Variants in FGGY observed in about 807,000 individuals in gnomAD.
FGGY encodes FGGY carbohydrate kinase domain-containing protein.
A neutral mutation model predicts 71.3 loss-of-function variants in FGGY; 72 were observed. The ratio of observed to expected loss-of-function variants is 1.01; its 90% CI spans 0.84 to 1.23. FGGY has a LOEUF of 1.23. Among genes scored for constraint, FGGY ranks in the 50% most tolerant of loss-of-function variants. The pLI is 0.00. For missense variants in FGGY, 668 were observed against 682.3 expected, an observed-to-expected ratio of 0.98 and a Z score of 0.23; for synonymous variants, 251 against 250.3, an observed-to-expected ratio of 1.00 and a Z score of -0.02.
chr1:59,509,699 A>G (rs751160525), intron 6 of FGGY, among the ~76,000 whole-genome samples: 2 of 152,252 alleles, frequency 1.3e-5, no homozygotes, highest in South Asian at 2.1e-4. Context: ...ATAGCCTATA[A>G]TTAGACCCAG....
chr1:59,636,519 A>G (rs1247972077), intron 10 of FGGY, among the ~76,000 whole-genome samples: 2 of 152,112 alleles, frequency 1.3e-5, no homozygotes, highest in African/African-American at 4.8e-5. Context: ...GCTACTCGGG[A>G]GGCTGAGGCA....
At chr1:59,335,000 A>T (rs1347710265) in intron 2 of FGGY, among the ~76,000 whole-genome samples, 1 of 152,146 alleles carries the variant, frequency 6.6e-6, no homozygotes, top group Non-Finnish European at 1.5e-5. Flanking sequence ...TCTTTTTTTT[A>T]AAACCTTACT....
intron 5 of FGGY, among the ~76,000 whole-genome samples, chr1:59,433,844 AT>A (rs2067880050): frequency 1.3e-5 from 2 of 152,110 alleles, no homozygotes; most frequent in Non-Finnish European, 2.9e-5. Flanking sequence ...TCCTTTTTAA[AT>A]TCTAGATCTG....
intron 8 of FGGY, among the ~76,000 whole-genome samples, chr1:59,556,733 A>G (rs775668559): frequency 2.6e-5 from 4 of 152,220 alleles, no homozygotes; most frequent in Non-Finnish European, 5.9e-5. Context: ...GTTGTTGAGT[A>G]ACATGCATTA....
chr1:59,611,696 G>T (rs1264296217), intron 9 of FGGY, among the ~76,000 whole-genome samples: 4 of 152,024 alleles, frequency 2.6e-5, no homozygotes, highest in Admixed American at 2.0e-4. Context: ...CGATCAAACT[G>T]CTCCGAGCTA....
At chr1:59,554,366 G>A (rs1430341267) in intron 8 of FGGY, 139 bp downstream of exon 8, 2 of 588,298 alleles carry the variant, frequency 3.4e-6, no homozygotes, top group Non-Finnish European at 2.9e-6. Context: ...CTAGCCAGAA[G>A]CCCAGCTCCC....
chr1:59,384,033 G>T (rs542908144), intron 5 of FGGY, among the ~76,000 whole-genome samples: 4 of 152,260 alleles, frequency 2.6e-5, no homozygotes, highest in African/African-American at 7.2e-5. Flanking sequence ...AAAGTGGAGG[G>T]CGTCTTGTTA....
At chr1:59,590,931 C>G (rs541762256) in intron 8 of FGGY, among the ~76,000 whole-genome samples, 2 of 152,284 alleles carry the variant, frequency 1.3e-5, no homozygotes, top group African/African-American at 4.8e-5. Context: ...GTTGGAAATT[C>G]TGGCCAGGGC....
At chr1:59,387,924 G>A (rs2060261256) in intron 5 of FGGY, among the ~76,000 whole-genome samples, 1 of 152,106 alleles carries the variant, frequency 6.6e-6, no homozygotes, top group Admixed American at 6.6e-5. Flanking sequence ...CTGCTGTTAA[G>A]GATTCAGAGG....
At position 59,494,958 on chromosome 1, in the gene FGGY, C is replaced by T. The variant is rs114372352; in HGVS notation, c.671-17353C>T. 3.2e-3 allele frequency among the ~76,000 whole-genome samples: 494 copies of T among 152,278 alleles called. 4 individuals carry two copies. The highest frequency in any genetic ancestry group is 0.011 in the African/African-American group (474 of 41,562). ...TTTCCACAATGGCTGAATGAATTTACATTCACACCACTAGTGTATAGGCAT... is the reference window on the plus strand; with the variant it reads ...TTTCCACAATGGCTGAATGAATTTATATTCACACCACTAGTGTATAGGCAT... On this transcript the variant is annotated intron_variant, in intron 6 of 15. Coordinates refer to ENST00000303721, the MANE Select transcript of FGGY (RefSeq NM_018291.5).
intron 5 of FGGY, among the ~76,000 whole-genome samples, chr1:59,444,411 T>G (rs758097013): frequency 4.6e-5 from 7 of 152,160 alleles, no homozygotes; most frequent in Non-Finnish European, 8.8e-5. Flanking sequence ...GTGTTGGGAA[T>G]GTTTAATATC....
intron 12 of FGGY, 121 bp from the exon 13 acceptor site, chr1:59,667,162 T>C: frequency 1.6e-6 from 2 of 1,219,282 alleles, no homozygotes; most frequent in East Asian, 2.3e-5. Flanking sequence ...AGTCTCAGCT[T>C]TCTGAGATAG....
intron 5 of FGGY, among the ~76,000 whole-genome samples, chr1:59,417,867 G>C (rs1304388564): frequency 6.6e-6 from 1 of 152,160 alleles, no homozygotes; most frequent in Admixed American, 6.5e-5. Flanking sequence ...AGAAAACTTA[G>C]TTCCTCAGTC....
At chr1:59,427,135 G>A (rs1001179405) in intron 5 of FGGY, among the ~76,000 whole-genome samples, 2 of 152,282 alleles carry the variant, frequency 1.3e-5, no homozygotes, top group African/African-American at 4.8e-5. Context: ...TGGAAAGAGG[G>A]CACATTTAAT....
At chr1:59,673,929 G>C in intron 13 of FGGY, 110 bp from the exon 14 acceptor site, 2 of 787,644 alleles carry the variant, frequency 2.5e-6, no homozygotes, top group Non-Finnish European at 2.2e-6. Flanking sequence ...TCGGGCGGGG[G>C]GCCTGCTGCT....
chr1:59,536,588 C>T (rs980931974), intron 7 of FGGY, among the ~76,000 whole-genome samples: 1 of 152,170 alleles, frequency 6.6e-6, no homozygotes, highest in East Asian at 1.9e-4. Context: ...CGGTAAAATA[C>T]TGGCAAACCG....
chr1:59,393,975 T>C (rs1385101865), intron 5 of FGGY, among the ~76,000 whole-genome samples: 1 of 152,236 alleles, frequency 6.6e-6, no homozygotes, highest in Non-Finnish European at 1.5e-5. Flanking sequence ...GAATGGCCAC[T>C]GTGTCTATCC....
intron 1 of FGGY, among the ~76,000 whole-genome samples, chr1:59,303,258 A>G (rs774983888): frequency 1.5e-4 from 23 of 152,144 alleles, no homozygotes; most frequent in Non-Finnish European, 2.6e-4. Context: ...TCTTTGGCCA[A>G]CATTTCCCCA....
chr1:59,488,483 G>A (rs1254964554), intron 6 of FGGY, among the ~76,000 whole-genome samples: 1 of 148,484 alleles, frequency 6.7e-6, no homozygotes, highest in East Asian at 1.9e-4. Context: ...TTTGATGTAT[G>A]TGTATATGTG....
Sources: gnomAD v4.1 joint callset for allele counts (sites outside exome capture counted in the v4.1 genomes callset) on GRCh38, gnomAD v4.1.1 for gene constraint, MANE v1.5 for transcripts, NCBI Gene and HGNC (gene_info 2026-07-23, HGNC 2026-07-21) for gene names.